HSPA4: variants seen among roughly 807,000 people sequenced by gnomAD.
The protein encoded by HSPA4 is heat shock 70 kDa protein 4.
A neutral mutation model predicts 106.2 loss-of-function variants in HSPA4; 25 were observed. The observed-to-expected ratio is 0.24, with a 90% CI of 0.17 to 0.33. The LOEUF is 0.33. HSPA4 is among the 10% of genes least tolerant of loss of function. The pLI is 1.00. For synonymous variants in HSPA4, 332 were observed against 333.6 expected, an observed-to-expected ratio of 1.00 and a Z score of 0.05; for missense variants, 841 against 996.0, an observed-to-expected ratio of 0.84 and a Z score of 2.10.
At chr5:133,088,946 A>G (rs1039812921) in intron 9 of HSPA4, 109 bp from the exon 10 acceptor site, 3 of 555,516 alleles carry the variant, frequency 5.4e-6, no homozygotes, top group Non-Finnish European at 9.4e-6. Context: ...TAATATAAAT[A>G]TTTTAAAAAG....
chr5:133,092,222 G>A (rs1229231986), intron 12 of HSPA4, among the ~76,000 whole-genome samples: 1 of 152,120 alleles, frequency 6.6e-6, no homozygotes, highest in East Asian at 1.9e-4. Context: ...GTTATTTTTA[G>A]GCTTTGTAAT....
intron 7 of HSPA4, among the ~76,000 whole-genome samples, chr5:133,082,137 T>G (rs1765520682): frequency 6.6e-6 from 1 of 152,174 alleles, no homozygotes; most frequent in Admixed American, 6.5e-5. Flanking sequence ...TGGGTGAACC[T>G]TCAAAAGTTC....
intron 1 of HSPA4, among the ~76,000 whole-genome samples, chr5:133,053,136 G>C (rs1350638759): frequency 6.6e-6 from 1 of 152,108 alleles, no homozygotes; most frequent in African/African-American, 2.4e-5. Context: ...GGCCCGCCTT[G>C]ACTTCTAGAA....
intron 18 of HSPA4, 56 bp downstream of exon 18, chr5:133,104,082 C>T (rs934173747): frequency 7.5e-6 from 11 of 1,474,782 alleles, no homozygotes; most frequent in Non-Finnish European, 1.0e-5. Context: ...TATTAATAGT[C>T]CTCAAGTGAC....
intron 18 of HSPA4, 88 bp downstream of exon 18, chr5:133,104,114 T>C: frequency 1.4e-6 from 2 of 1,409,674 alleles, no homozygotes; most frequent in South Asian, 1.3e-5. Context: ...AACTTTATTA[T>C]AGTGTTTTAG....
At chr5:133,061,914 G>A (rs1013938920) in intron 1 of HSPA4, among the ~76,000 whole-genome samples, 1 of 152,214 alleles carries the variant, frequency 6.6e-6, no homozygotes, top group Non-Finnish European at 1.5e-5. Flanking sequence ...GATTACAGAC[G>A]TGAGCCACCG....
chr5:133,102,913 C>CTTTTTTTTTTTTTTTTTTTTTTTTTTTTT, intron 17 of HSPA4, among the ~76,000 whole-genome samples: 1 of 103,302 alleles, frequency 9.7e-6, no homozygotes, highest in Admixed American at 9.9e-5. Context: ...CTAGGGTTGT[C>CTTTTTTTTTTTTTTTTTTTTTTTTTTTTT]TTTTTTTTTT....
In HSPA4 at chr5:133,073,319, A is replaced by C. The variant is rs752406094; in HGVS notation, c.519A>C (p.Glu173Asp). The stretch of plus-strand genomic sequence containing the variant: ...TTAATTGCTTGCGATTAATGAATGA[A>C]ACCACTGCAGGTAAGGAGGACCGTT... ...AGLNCLRLMN[E>D]TTAVALAYGI... The change falls in exon 5 of 19, where the codon GAA becomes GAC. Residue 173 changes from glutamate (E) to aspartate (D), a missense_variant. By Grantham distance (45) the Glu-to-Asp change is conservative. Around this residue, in one of 5 missense-constraint regions of HSPA4, gnomAD observed 347 missense variants for 408.7 expected, o/e 0.85. Transcript: ENST00000304858. 1 of 1,600,206 alleles carries C rather than the reference A, an allele frequency of 6.2e-7. No individual in the cohort carries two copies. Among genetic ancestry groups the C allele is most frequent in the Non-Finnish European group, 8.6e-7 (1 of 1,168,202 alleles).
intron 13 of HSPA4, among the ~76,000 whole-genome samples, chr5:133,093,285 A>G (rs1439816163): frequency 6.6e-6 from 1 of 152,144 alleles, no homozygotes; most frequent in Non-Finnish European, 1.5e-5. Flanking sequence ...TGCTATTTGC[A>G]AGATGGCCTT....
intron 3 of HSPA4, among the ~76,000 whole-genome samples, chr5:133,068,086 G>T (rs1015407215): frequency 1.3e-5 from 2 of 151,928 alleles, no homozygotes; most frequent in Non-Finnish European, 2.9e-5. Flanking sequence ...TAGAGACGGG[G>T]TTTCACTGTG....
intron 4 of HSPA4, among the ~76,000 whole-genome samples, chr5:133,070,958 T>G (rs1397571269): frequency 6.6e-6 from 1 of 152,166 alleles, no homozygotes; most frequent in East Asian, 1.9e-4. Context: ...CTTCTGCTGC[T>G]TAGCTTTTGC....
chr5:133,085,902 G>A (rs1469586819), intron 7 of HSPA4, among the ~76,000 whole-genome samples: 1 of 152,154 alleles, frequency 6.6e-6, no homozygotes, highest in African/African-American at 2.4e-5. Context: ...TCATTTATCA[G>A]CATTGACTCA....
intron 1 of HSPA4, among the ~76,000 whole-genome samples, chr5:133,054,273 G>C (rs1043995971): frequency 1.6e-4 from 24 of 152,156 alleles, no homozygotes; most frequent in African/African-American, 5.5e-4. Flanking sequence ...CGTAATCTCG[G>C]CTCACTGCAG....
In HSPA4 at chr5:133,070,226, C is replaced by T. The variant is rs1021805076; in HGVS notation, c.307-148C>T. 7.0e-5 allele frequency: 51 copies of T among 730,674 alleles called. No individual in the cohort carries two copies. The East Asian group carries it at 1.5e-3, about 22-fold the overall frequency. 45.3% of individuals were successfully genotyped at this position (730,674 alleles called of 1,614,324 possible). A position where few individuals can be genotyped will look rare whatever the true frequency, so the allele number is the denominator to read the frequency against. ...GCTAAAAGTGACCTTCAAGGTATTACTTCGAAAACTAGCTTTTTTTTTTTT... is the reference window on the plus strand; with the variant it reads ...GCTAAAAGTGACCTTCAAGGTATTATTTCGAAAACTAGCTTTTTTTTTTTT... On this transcript the variant is annotated intron_variant, in intron 3 of 18. Transcript: ENST00000304858.
chr5:133,052,353 A>G lies in HSPA4; in HGVS notation c.103A>G (p.Thr35Ala), dbSNP rs1354533763. The change falls in exon 1 of 19, where the codon ACG (threonine) becomes GCG (alanine). Residue 35 changes from threonine to alanine, a missense_variant. Coordinates refer to ENST00000304858, the MANE Select transcript of HSPA4 (RefSeq NM_002154.4). ...TIANEYSDRC[T>A]PACISFGPKN... Reference sequence around the variant, plus strand: ...CGCTAATGAGTATAGCGACCGCTGCACGCCGTAAGTGTGGGCCGGGCCTGC... The same window carrying G: ...CGCTAATGAGTATAGCGACCGCTGCGCGCCGTAAGTGTGGGCCGGGCCTGC... 1.3e-6 allele frequency: 2 copies of G among 1,550,874 alleles called. No individual in the cohort carries two copies. Among genetic ancestry groups the G allele is most frequent in the African/African-American group, 1.4e-5 (1 of 72,984 alleles).
chr5:133,070,572 A>G, intron 4 of HSPA4, 76 bp downstream of exon 4: 1 of 1,552,890 alleles, frequency 6.4e-7, no homozygotes, highest in Non-Finnish European at 8.8e-7. Context: ...TTTCAAGTAA[A>G]CTTGTTTTTT....
At chr5:133,056,431 G>A (rs1349523817) in intron 1 of HSPA4, among the ~76,000 whole-genome samples, 1 of 152,066 alleles carries the variant, frequency 6.6e-6, no homozygotes, top group Non-Finnish European at 1.5e-5. Flanking sequence ...GTGCATACAT[G>A]CGGCTAATTT....
rs113026396 is a variant in HSPA4, at chr5:133,082,303, A to T, written c.909-4479A>T. ...AGTAACAGTTAAGGGTGATGAAAAT[A>T]TTCTTTTTTAGACTGAAAATGTTTT... is the stretch of plus-strand genomic sequence containing the variant. On this transcript the variant is annotated intron_variant, in intron 7 of 18. Transcript: ENST00000304858. Among the ~76,000 whole-genome samples, 847 of 152,314 alleles carry T rather than the reference A, an allele frequency of 5.6e-3. 7 individuals are homozygous for T. The highest frequency in any genetic ancestry group is 0.019 in the African/African-American group (792 of 41,562).
At chr5:133,057,622 C>G (rs1765183409) in intron 1 of HSPA4, among the ~76,000 whole-genome samples, 1 of 152,178 alleles carries the variant, frequency 6.6e-6, no homozygotes, top group Non-Finnish European at 1.5e-5. Flanking sequence ...AATATTCGGT[C>G]AGTAGTTTCT....
Sources: allele counts gnomAD v4.1 joint callset (sites outside exome capture counted in the v4.1 genomes callset), GRCh38; gene constraint gnomAD v4.1.1; regional missense constraint gnomAD v4.1.1; transcripts MANE v1.5; gene names NCBI Gene and HGNC (gene_info 2026-07-23, HGNC 2026-07-21).